UBE2H: variants seen among roughly 807,000 people sequenced by gnomAD.
UBE2H encodes ubiquitin conjugating enzyme E2 H.
Under a neutral mutation model 29.0 loss-of-function variants are expected in UBE2H, and 3 were observed. That is an observed-to-expected ratio of 0.10 (90% CI 0.05 to 0.27). UBE2H has a LOEUF of 0.27. UBE2H is among the 10% of genes least tolerant of loss of function. UBE2H has a pLI of 1.00. For missense variants in UBE2H, 68 were observed against 228.2 expected, an observed-to-expected ratio of 0.30 and a Z score of 4.52; for synonymous variants, 69 against 82.9, an observed-to-expected ratio of 0.83 and a Z score of 0.91.
intron 4 of UBE2H, among the ~76,000 whole-genome samples, chr7:129,858,359 G>C (rs565292977): frequency 9.9e-5 from 15 of 152,234 alleles, no homozygotes; most frequent in African/African-American, 3.6e-4. Flanking sequence ...GTAAAACTTA[G>C]TGCCATGACA....
chr7:129,925,347 G>GA (rs569415946), intron 1 of UBE2H, among the ~76,000 whole-genome samples: 14 of 143,752 alleles, frequency 9.7e-5, no homozygotes, highest in South Asian at 2.2e-4. Context: ...ACTCAGTCTC[G>GA]AAAAAAAAAA....
intron 1 of UBE2H, among the ~76,000 whole-genome samples, chr7:129,944,570 A>G (rs1234718049): frequency 6.6e-6 from 1 of 152,172 alleles, no homozygotes; most frequent in Non-Finnish European, 1.5e-5. Flanking sequence ...AGCCTGGCCA[A>G]CAGTGAGACC....
chr7:129,879,357 G>C (rs550474068), intron 3 of UBE2H, among the ~76,000 whole-genome samples: 1 of 152,298 alleles, frequency 6.6e-6, no homozygotes, highest in East Asian at 1.9e-4. Context: ...TAAAGTAATG[G>C]TCATTATAAT....
chr7:129,934,509 G>A (rs1449611650), intron 1 of UBE2H, among the ~76,000 whole-genome samples: 2 of 145,010 alleles, frequency 1.4e-5, no homozygotes, highest in African/African-American at 5.1e-5. Flanking sequence ...ATGGTCGTGG[G>A]CACCTGTAAT....
At chr7:129,916,655 A>C (rs1807049640) in intron 1 of UBE2H, among the ~76,000 whole-genome samples, 1 of 152,172 alleles carries the variant, frequency 6.6e-6, no homozygotes, top group African/African-American at 2.4e-5. Flanking sequence ...CAAAGCCTCA[A>C]GGTTACACAG....
intron 1 of UBE2H, among the ~76,000 whole-genome samples, chr7:129,886,007 C>T (rs1806353232): frequency 6.6e-6 from 1 of 152,128 alleles, no homozygotes; most frequent in African/African-American, 2.4e-5. Flanking sequence ...AAATAATGAT[C>T]GATTTCTGGA....
At chr7:129,889,657 A>C (rs1484588909) in intron 1 of UBE2H, among the ~76,000 whole-genome samples, 1 of 152,128 alleles carries the variant, frequency 6.6e-6, no homozygotes, top group Admixed American at 6.5e-5. Flanking sequence ...TATTTTGTTC[A>C]CAGAAGAGTA....
intron 1 of UBE2H, among the ~76,000 whole-genome samples, chr7:129,897,032 C>T (rs1806613836): frequency 6.6e-6 from 1 of 152,096 alleles, no homozygotes. Context: ...GGAAGAGATG[C>T]CAGATATGCC....
chr7:129,889,255 G>C (rs1307531755), intron 1 of UBE2H, among the ~76,000 whole-genome samples: 2 of 152,182 alleles, frequency 1.3e-5, no homozygotes, highest in African/African-American at 4.8e-5. Flanking sequence ...GGAATAAGCA[G>C]AGTTAAAGCA....
chr7:129,943,226 T>C (rs1162258349), intron 1 of UBE2H, among the ~76,000 whole-genome samples: 1 of 152,132 alleles, frequency 6.6e-6, no homozygotes, highest in African/African-American at 2.4e-5. Flanking sequence ...TGGACTGCAG[T>C]GGCATGATCT....
intron 1 of UBE2H, among the ~76,000 whole-genome samples, chr7:129,889,496 G>C (rs756618746): frequency 6.6e-6 from 1 of 152,204 alleles, no homozygotes; most frequent in African/African-American, 2.4e-5. Context: ...TGTAAACAAA[G>C]TATATGTGCT....
intron 1 of UBE2H, among the ~76,000 whole-genome samples, chr7:129,925,893 C>G (rs1807258938): frequency 1.3e-5 from 2 of 152,198 alleles, no homozygotes; most frequent in African/African-American, 2.4e-5. Flanking sequence ...ATCTGCCTCC[C>G]TAACTTACCA....
chr7:129,837,977 G>A (rs557311775), intron 6 of UBE2H, among the ~76,000 whole-genome samples: 1 of 152,318 alleles, frequency 6.6e-6, no homozygotes, highest in Non-Finnish European at 1.5e-5. Context: ...GAATGCATAT[G>A]TGAACTAGAG....
intron 1 of UBE2H, among the ~76,000 whole-genome samples, chr7:129,889,425 A>C (rs980471742): frequency 2.6e-5 from 4 of 152,218 alleles, no homozygotes; most frequent in Admixed American, 2.6e-4. Context: ...TCATGACAAA[A>C]CAAAAAAGCA....
intron 5 of UBE2H, among the ~76,000 whole-genome samples, chr7:129,848,010 G>A (rs1304944875): frequency 3.3e-5 from 5 of 152,128 alleles, no homozygotes; most frequent in Admixed American, 2.6e-4. Flanking sequence ...TCTACTAAAT[G>A]GCCTTAAAGG....
intron 3 of UBE2H, among the ~76,000 whole-genome samples, chr7:129,861,836 C>T (rs1484555093): frequency 6.6e-6 from 1 of 152,044 alleles, no homozygotes; most frequent in Non-Finnish European, 1.5e-5. Flanking sequence ...TGCAGTGAGC[C>T]GAGATCATGC....
intron 1 of UBE2H, among the ~76,000 whole-genome samples, chr7:129,893,887 A>G (rs55769831): frequency 0.064 from 9,700 of 152,324 alleles, 372 homozygotes; most frequent in Non-Finnish European, 0.092. Flanking sequence ...GGCCTGGCAC[A>G]GTAGTTCACA....
chr7:129,834,787 G>T lies in UBE2H; in HGVS notation c.*150C>A. ...ATGACCAAGAAATCAAGATCTAAAG[G>T]GTGATATATAATATATATATATCAA... On this transcript the variant is annotated 3_prime_UTR_variant, in exon 7 of 7. Coordinates refer to ENST00000355621, the MANE Select transcript of UBE2H (RefSeq NM_003344.4). The T allele has an allele frequency of 1.1e-6, 1 of 870,650 alleles. No homozygotes were observed. 53.9% of individuals were successfully genotyped at this position (870,650 alleles called of 1,614,324 possible).
At chr7:129,861,004 C>T (rs1021611973) in intron 3 of UBE2H, among the ~76,000 whole-genome samples, 1 of 152,004 alleles carries the variant, frequency 6.6e-6, no homozygotes, top group African/African-American at 2.4e-5. Flanking sequence ...GGTGGATCAC[C>T]TGAGGTCAGG....
Sources: gnomAD v4.1 joint callset for allele counts (sites outside exome capture counted in the v4.1 genomes callset) on GRCh38, gnomAD v4.1.1 for gene constraint, MANE v1.5 for transcripts, NCBI Gene and HGNC (gene_info 2026-07-23, HGNC 2026-07-21) for gene names.